Variants in GALNTL6 observed in about 807,000 individuals in gnomAD.
GALNTL6 encodes the protein polypeptide N-acetylgalactosaminyltransferase-like 6.
GALNTL6 carries 46 observed loss-of-function variants against 73.7 expected under a neutral mutation model. That is an observed-to-expected ratio of 0.62 (90% CI 0.49 to 0.80). The LOEUF is 0.80. Among genes scored for constraint, GALNTL6 ranks in the 30% least tolerant of loss-of-function variants. The probability of loss-of-function intolerance (pLI) is 0.00; values close to 1 mark genes in which losing one functional copy is unlikely to be tolerated. For missense variants in GALNTL6, 604 were observed against 755.0 expected (o/e 0.80, Z 2.34); for synonymous variants, 259 against 263.7 (o/e 0.98, Z 0.17).
intron 5 of GALNTL6, among the ~76,000 whole-genome samples, chr4:172,531,934 A>G (rs1432229708): frequency 6.6e-6 from 1 of 152,238 alleles, no homozygotes; most frequent in Non-Finnish European, 1.5e-5. Flanking sequence ...CTCTTACAAA[A>G]CATAAATTCA....
intron 8 of GALNTL6, among the ~76,000 whole-genome samples, chr4:172,889,447 G>A (rs1745903301): frequency 6.6e-6 from 1 of 152,088 alleles, no homozygotes; most frequent in Non-Finnish European, 1.5e-5. Flanking sequence ...CTAGTTTGTT[G>A]AGGGTTTTTA....
intron 3 of GALNTL6, among the ~76,000 whole-genome samples, chr4:172,236,037 T>G (rs55791813): frequency 1.3e-5 from 2 of 151,928 alleles, no homozygotes; most frequent in African/African-American, 4.8e-5. Flanking sequence ...AAAAATAAAT[T>G]TATACCTCCT....
At chr4:172,579,483 C>G (rs1737086039) in intron 5 of GALNTL6, among the ~76,000 whole-genome samples, 1 of 152,090 alleles carries the variant, frequency 6.6e-6, no homozygotes, top group Non-Finnish European at 1.5e-5. Flanking sequence ...GTCTCAAGGG[C>G]ATTTACCAAT....
At chr4:172,929,379 A>G (rs1168461864) in intron 8 of GALNTL6, among the ~76,000 whole-genome samples, 1 of 152,200 alleles carries the variant, frequency 6.6e-6, no homozygotes, top group African/African-American at 2.4e-5. Flanking sequence ...CTCTCTTTCA[A>G]TATTACACTT....
chr4:172,826,560 G>C (rs1460089658), intron 7 of GALNTL6, among the ~76,000 whole-genome samples: 2 of 152,228 alleles, frequency 1.3e-5, no homozygotes, highest in Non-Finnish European at 2.9e-5. Flanking sequence ...TCAGGCATTT[G>C]AAGCAGGCTC....
chr4:171,995,956 A>G (rs184529554), intron 2 of GALNTL6, among the ~76,000 whole-genome samples: 52 of 152,200 alleles, frequency 3.4e-4, no homozygotes, highest in African/African-American at 1.2e-3. Flanking sequence ...AATACTACTG[A>G]TAAAGGCATA....
At chr4:171,960,654 T>C (rs921197367) in intron 2 of GALNTL6, among the ~76,000 whole-genome samples, 1 of 146,848 alleles carries the variant, frequency 6.8e-6, no homozygotes, top group African/African-American at 2.6e-5. Flanking sequence ...TATAAATTTT[T>C]TTAAAAAAAC....
At chr4:172,635,212 G>A (rs1739613536) in intron 5 of GALNTL6, among the ~76,000 whole-genome samples, 1 of 152,094 alleles carries the variant, frequency 6.6e-6, no homozygotes, top group African/African-American at 2.4e-5. Flanking sequence ...GGATGTTTGA[G>A]TTAAGTATCT....
intron 5 of GALNTL6, among the ~76,000 whole-genome samples, chr4:172,349,830 A>ATATAT (rs112952872): frequency 1.0e-5 from 1 of 99,496 alleles, no homozygotes; most frequent in East Asian, 2.5e-4. Context: ...ATTAAAAAAA[A>ATATAT]ATATATATAT....
At chr4:171,931,932 T>G (rs949499728) in intron 2 of GALNTL6, among the ~76,000 whole-genome samples, 1 of 152,164 alleles carries the variant, frequency 6.6e-6, no homozygotes, top group African/African-American at 2.4e-5. Context: ...TTCAGAAAAA[T>G]CTAATTACAT....
intron 8 of GALNTL6, among the ~76,000 whole-genome samples, chr4:172,909,657 A>G (rs1176291254): frequency 6.6e-6 from 1 of 152,124 alleles, no homozygotes; most frequent in Admixed American, 6.5e-5. Flanking sequence ...AGAAATAGAC[A>G]CTTTCAAATA....
intron 5 of GALNTL6, among the ~76,000 whole-genome samples, chr4:172,371,444 C>T (rs912073545): frequency 5.3e-5 from 8 of 152,086 alleles, no homozygotes; most frequent in South Asian, 2.1e-4. Context: ...TGGAGAAGAC[C>T]GTCAATTATC....
At chr4:172,785,555 C>T (rs940267601) in intron 5 of GALNTL6, among the ~76,000 whole-genome samples, 6 of 151,964 alleles carry the variant, frequency 3.9e-5, no homozygotes, top group African/African-American at 1.5e-4. Context: ...TAAAAAAAGT[C>T]CTGCTCTCAT....
Position 172,647,211 on chromosome 4 carries a change from G to T in GALNTL6, c.554-162150G>T, listed in dbSNP as rs142406016. 8.4e-4 allele frequency among the ~76,000 whole-genome samples: 128 copies of T among 152,144 alleles called. 1 individual carries two copies. Among genetic ancestry groups the T allele is most frequent in the African/African-American group, 3.0e-3 (123 of 41,512 alleles). On this transcript the variant is annotated intron_variant, in intron 5 of 12. Coordinates refer to ENST00000506823, the MANE Select transcript of GALNTL6 (RefSeq NM_001034845.3). ...CCTTTCACCCAGATAGAAAATGCCA[G>T]GTAGACTTTAGGAGAATAGGTTTGG...
At chr4:172,731,167 C>T (rs1283030139) in intron 5 of GALNTL6, among the ~76,000 whole-genome samples, 1 of 151,646 alleles carries the variant, frequency 6.6e-6, no homozygotes, top group African/African-American at 2.4e-5. Context: ...ACAGGGAATC[C>T]ATCAGATTCT....
chr4:172,560,160 C>G (rs1441258363), intron 5 of GALNTL6, among the ~76,000 whole-genome samples: 1 of 152,188 alleles, frequency 6.6e-6, no homozygotes, highest in South Asian at 2.1e-4. Flanking sequence ...CTTGCATACC[C>G]TGAAACTCTT....
intron 5 of GALNTL6, among the ~76,000 whole-genome samples, chr4:172,490,561 T>G (rs1426675833): frequency 6.6e-6 from 1 of 152,156 alleles, no homozygotes; most frequent in Non-Finnish European, 1.5e-5. Flanking sequence ...TGGCACAATA[T>G]TTGGATGCTC....
At chr4:172,379,301 C>T (rs1358516944) in intron 5 of GALNTL6, among the ~76,000 whole-genome samples, 3 of 152,088 alleles carry the variant, frequency 2.0e-5, no homozygotes, top group South Asian at 2.1e-4. Flanking sequence ...GAGGCCGAGG[C>T]GGGTGGATCA....
intron 10 of GALNTL6, among the ~76,000 whole-genome samples, chr4:173,007,490 T>G (rs564522774): frequency 1.2e-4 from 19 of 152,278 alleles, no homozygotes; most frequent in African/African-American, 4.6e-4. Context: ...TCAGGAAGAT[T>G]GGCGAAACCT....
Sources: gnomAD v4.1 joint callset for allele counts (sites outside exome capture counted in the v4.1 genomes callset) on GRCh38, gnomAD v4.1.1 for gene constraint, MANE v1.5 for transcripts, NCBI Gene and HGNC (gene_info 2026-07-23, HGNC 2026-07-21) for gene names.